Variants in ARHGEF28 observed in about 807,000 individuals in gnomAD.
The protein encoded by ARHGEF28 is 190 kDa guanine nucleotide exchange factor.
Under a neutral mutation model 206.6 loss-of-function variants are expected in ARHGEF28, and 152 were observed. That is an observed-to-expected ratio of 0.74 (90% confidence interval 0.64 to 0.84). ARHGEF28 has a LOEUF of 0.84. ARHGEF28 is among the 40% of genes least tolerant of loss of function. The pLI, the probability that ARHGEF28 is intolerant of heterozygous loss-of-function variation, is 0.00. For missense variants in ARHGEF28, 2,028 were observed against 2,073.2 expected, an observed-to-expected ratio of 0.98 and a Z score of 0.42; for synonymous variants, 763 against 776.4, an observed-to-expected ratio of 0.98 and a Z score of 0.29.
chr5:73,857,728 A>T lies in ARHGEF28; in HGVS notation c.1863A>T (p.Arg621=). The T allele has an allele frequency of 6.2e-7, 1 of 1,612,946 alleles. No homozygotes were observed. Among genetic ancestry groups the T allele is most frequent in the Non-Finnish European group, 8.5e-7 (1 of 1,179,370 alleles). ...KSESEKYKVS[R]TFSFLMNRMT... Reference sequence around the variant, plus strand: ...AGTCTGAAAAATATAAAGTGAGTCGAACTTTCAGTTTCCTCATGAATAGGA... The same window carrying T: ...AGTCTGAAAAATATAAAGTGAGTCGTACTTTCAGTTTCCTCATGAATAGGA... Residue 621 remains arginine (R), a synonymous_variant, in exon 15 of 36, where the codon CGA becomes CGT. Coordinates refer to ENST00000513042, the MANE Select transcript of ARHGEF28 (RefSeq NM_001177693.2).
chr5:73,875,435 T>C (rs1760402091), intron 22 of ARHGEF28, among the ~76,000 whole-genome samples: 1 of 149,390 alleles, frequency 6.7e-6, no homozygotes, highest in Admixed American at 6.7e-5. Context: ...TAGATCCCAT[T>C]TGTCAATTTT....
At chr5:73,840,235 C>G (rs1479049281) in intron 10 of ARHGEF28, among the ~76,000 whole-genome samples, 3 of 152,114 alleles carry the variant, frequency 2.0e-5, no homozygotes, top group Non-Finnish European at 4.4e-5. Flanking sequence ...CTGCTTCAGT[C>G]TCTGAGTAGC....
intron 1 of ARHGEF28, among the ~76,000 whole-genome samples, chr5:73,667,210 T>C (rs973538196): frequency 4.0e-5 from 6 of 151,474 alleles, no homozygotes; most frequent in Non-Finnish European, 7.4e-5. Context: ...TGGCCAATAA[T>C]TCAGTTTTCA....
At chr5:73,642,693 G>A (rs1181875147) in intron 1 of ARHGEF28, among the ~76,000 whole-genome samples, 1 of 151,870 alleles carries the variant, frequency 6.6e-6, no homozygotes, top group Non-Finnish European at 1.5e-5. Flanking sequence ...GGTATCCCAA[G>A]GACAGTGGGC....
At position 73,880,549 on chromosome 5, in the gene ARHGEF28, T is replaced by A. The variant is rs547233207; in HGVS notation, c.2815-1923T>A. 2.7e-4 allele frequency among the ~76,000 whole-genome samples: 41 copies of A among 152,250 alleles called. 1 individual carries two copies. Among genetic ancestry groups the A allele is most frequent in the Non-Finnish European group, 5.4e-4 (37 of 68,044 alleles). On this transcript the variant is annotated intron_variant, in intron 22 of 35. Transcript: ENST00000513042. ...CACGCTAGGAGCTGTAGACCGGAGC[T>A]GTTCCTATTCGGCCATCTTGTAGTT...
At chr5:73,894,324 C>G in intron 28 of ARHGEF28, 69 bp from the exon 29 acceptor site, 2 of 1,427,038 alleles carry the variant, frequency 1.4e-6, no homozygotes, top group East Asian at 4.9e-5. Flanking sequence ...ACATCTTTTT[C>G]GTGGACTTTC....
intron 7 of ARHGEF28, among the ~76,000 whole-genome samples, chr5:73,792,839 G>C (rs902393691): frequency 6.6e-6 from 1 of 152,100 alleles, no homozygotes; most frequent in Admixed American, 6.5e-5. Context: ...TTAACTATGT[G>C]TTTTGGACTT....
intron 6 of ARHGEF28, chr5:73,780,295 G>A (rs9654424): frequency 0.067 from 12,301 of 182,646 alleles, 431 homozygotes; most frequent in African/African-American, 0.091. Context: ...TGAGATTCCT[G>A]TGTCTTAGGA....
At chr5:73,660,255 A>G (rs1352440829) in intron 1 of ARHGEF28, among the ~76,000 whole-genome samples, 3 of 152,192 alleles carry the variant, frequency 2.0e-5, no homozygotes, top group Non-Finnish European at 4.4e-5. Context: ...TTGCTCATCC[A>G]TAATAAGCAA....
chr5:73,806,555 GTATATATCTATATATAGTATGTATATAGT>G (rs1561417515), intron 9 of ARHGEF28, among the ~76,000 whole-genome samples: 6 of 130,376 alleles, frequency 4.6e-5, no homozygotes, highest in African/African-American at 1.5e-4. Context: ...TATGTATATA[GTATATATCTATATATAGTATGTATATAGT>G]ATATATCTAT....
At chr5:73,868,405 A>G (rs1759852912) in intron 20 of ARHGEF28, among the ~76,000 whole-genome samples, 178 bp downstream of exon 20, 1 of 152,176 alleles carries the variant, frequency 6.6e-6, no homozygotes, top group Non-Finnish European at 1.5e-5. Flanking sequence ...GCCCCAGAGG[A>G]GAAAACCAGA....
chr5:73,657,618 A>C (rs1735364629), intron 1 of ARHGEF28, among the ~76,000 whole-genome samples: 1 of 152,110 alleles, frequency 6.6e-6, no homozygotes, highest in South Asian at 2.1e-4. Flanking sequence ...TAACTGGGGG[A>C]GTCCTGTAAT....
Position 73,896,924 on chromosome 5 carries a change from G to A in ARHGEF28, c.3842-1038G>A, listed in dbSNP as rs564580624. On this transcript the variant is annotated intron_variant, in intron 29 of 35. Transcript: ENST00000513042. ...CAATGGAGGTGCTGCGTGAGCCGCAGTTGGATAATCCACCCTGGGTCACTG... is the reference window on the plus strand; with the variant it reads ...CAATGGAGGTGCTGCGTGAGCCGCAATTGGATAATCCACCCTGGGTCACTG... Among the ~76,000 whole-genome samples the A allele has an allele frequency of 3.9e-5, 6 of 152,338 alleles. No homozygotes were observed. The South Asian group carries it at 1.0e-3, about 26-fold the overall frequency.
chr5:73,654,351 C>A (rs971370589), intron 1 of ARHGEF28, among the ~76,000 whole-genome samples: 1 of 152,182 alleles, frequency 6.6e-6, no homozygotes, highest in Non-Finnish European at 1.5e-5. Flanking sequence ...ACTCGAGGGG[C>A]TCTCAACACC....
At chr5:73,718,567 C>A (rs951203079) in intron 2 of ARHGEF28, among the ~76,000 whole-genome samples, 1 of 152,114 alleles carries the variant, frequency 6.6e-6, no homozygotes, top group Non-Finnish European at 1.5e-5. Context: ...TCTGTGTCTG[C>A]AGGCATAGAC....
chr5:73,631,802 A>G (rs1743382253), intron 1 of ARHGEF28, among the ~76,000 whole-genome samples: 1 of 142,634 alleles, frequency 7.0e-6, no homozygotes, highest in Admixed American at 6.9e-5. Context: ...ACTTTTTCCT[A>G]GTGGGCCCCT....
At chr5:73,855,550 G>T (rs563270666) in intron 14 of ARHGEF28, among the ~76,000 whole-genome samples, 1 of 152,124 alleles carries the variant, frequency 6.6e-6, no homozygotes, top group East Asian at 1.9e-4. Context: ...TGGCCAACAT[G>T]GCAAAACCCC....
intron 4 of ARHGEF28, among the ~76,000 whole-genome samples, chr5:73,756,451 G>T (rs1205584113): frequency 1.3e-5 from 2 of 152,208 alleles, no homozygotes; most frequent in Non-Finnish European, 2.9e-5. Flanking sequence ...AAAACTGTCT[G>T]CAGCCTAGAC....
chr5:73,879,146 ACTTCCCTTC>A (rs1246461789), intron 22 of ARHGEF28, among the ~76,000 whole-genome samples: 1 of 151,630 alleles, frequency 6.6e-6, no homozygotes, highest in Admixed American at 6.6e-5. Context: ...TTTTCTCTAA[ACTTCCCTTC>A]TTGCTTCATT....
Sources: gnomAD v4.1 joint callset for allele counts (sites outside exome capture counted in the v4.1 genomes callset) on GRCh38, gnomAD v4.1.1 for gene constraint, MANE v1.5 for transcripts, NCBI Gene and HGNC (gene_info 2026-07-23, HGNC 2026-07-21) for gene names.